ANXA4: variants seen among roughly 807,000 people sequenced by gnomAD.
ANXA4 encodes the protein 35-beta calcimedin.
A neutral mutation model predicts 49.8 loss-of-function variants in ANXA4; 39 were observed. The ratio of observed to expected loss-of-function variants is 0.78; its 90% CI spans 0.61 to 1.02. ANXA4 has a LOEUF of 1.02. Among genes scored for constraint, ANXA4 ranks in the 50% least tolerant of loss-of-function variants. The pLI, the probability that ANXA4 is intolerant of heterozygous loss-of-function variation, is 0.00. For missense variants in ANXA4, 360 were observed against 410.1 expected, an observed-to-expected ratio of 0.88 and a Z score of 1.05; for synonymous variants, 134 against 152.5, an observed-to-expected ratio of 0.88 and a Z score of 0.89.
intron 3 of ANXA4, among the ~76,000 whole-genome samples, chr2:69,729,083 G>A (rs1028650694): frequency 1.8e-4 from 28 of 152,062 alleles, no homozygotes; most frequent in African/African-American, 6.0e-4. Context: ...GCACGATCTC[G>A]GCTCACTGCA....
At chr2:69,687,167 G>T (rs1179984438) in intron 2 of ANXA4, among the ~76,000 whole-genome samples, 2 of 152,134 alleles carry the variant, frequency 1.3e-5, no homozygotes, top group Non-Finnish European at 2.9e-5. Context: ...CTAATTGGTG[G>T]GTAGAAAAGG....
chr2:69,726,158 C>G (rs773231428), intron 3 of ANXA4, among the ~76,000 whole-genome samples: 2 of 152,132 alleles, frequency 1.3e-5, no homozygotes, highest in African/African-American at 4.8e-5. Flanking sequence ...CGGTTTCCCC[C>G]GTGATGTTCT....
At chr2:69,785,315 C>T (rs1672369213) in intron 2 of ANXA4, among the ~76,000 whole-genome samples, 1 of 152,130 alleles carries the variant, frequency 6.6e-6, no homozygotes, top group South Asian at 2.1e-4. Context: ...GAGAACTGTG[C>T]TAAGGGTATA....
chr2:69,718,762 CAT>C (rs557190230), intron 2 of ANXA4, among the ~76,000 whole-genome samples: 105 of 143,292 alleles, frequency 7.3e-4, no homozygotes, highest in African/African-American at 2.4e-3. Flanking sequence ...CATACACACA[CAT>C]ACACACACAT....
intron 3 of ANXA4, among the ~76,000 whole-genome samples, chr2:69,803,076 C>T (rs1403546326): frequency 6.6e-6 from 1 of 151,840 alleles, no homozygotes; most frequent in Non-Finnish European, 1.5e-5. Context: ...TGGCAGGCAC[C>T]TGTAATCCCA....
chr2:69,715,441 C>A (rs1678849250), intron 2 of ANXA4, among the ~76,000 whole-genome samples: 1 of 152,178 alleles, frequency 6.6e-6, no homozygotes, highest in Non-Finnish European at 1.5e-5. Context: ...CTCCTGGTCT[C>A]AAGTGATCCT....
chr2:69,788,819 C>T (rs1289106215), intron 3 of ANXA4, among the ~76,000 whole-genome samples: 5 of 118,992 alleles, frequency 4.2e-5, no homozygotes, highest in Non-Finnish European at 8.0e-5. Context: ...GGCTGGGCGA[C>T]AGAGCGAGAC....
rs201603508 is a variant in ANXA4, at chr2:69,648,879, C to CTTTT, written n.481+3977_481+3978insTTTT. On this transcript the variant is annotated intron_variant and non_coding_transcript_variant, in intron 1 of 3. Coordinates refer to the ANXA4 transcript ENST00000418066. ...ATTTTTTTAATTTTTAATTTTCTTT[C>CTTTT]TTTCTTTTCTTTTTTTTTTTTTTTG... Among the ~76,000 whole-genome samples, 96 of 113,446 alleles carry CTTTT rather than the reference C, an allele frequency of 8.5e-4. 1 individual carries two copies. The highest frequency in any genetic ancestry group is 6.1e-3 in the East Asian group (17 of 2,794). The allele number at this position is 113,446 out of a possible 152,430, so 74.4% of individuals were successfully genotyped here. A position where few individuals can be genotyped will look rare whatever the true frequency, so the allele number is the denominator to read the frequency against.
At chr2:69,707,112 C>A (rs1040885295) in intron 2 of ANXA4, among the ~76,000 whole-genome samples, 3 of 152,074 alleles carry the variant, frequency 2.0e-5, no homozygotes, top group African/African-American at 7.2e-5. Context: ...TTTTATATTT[C>A]TTTTGCTCTC....
chr2:69,819,425 T>C, intron 11 of ANXA4, 87 bp downstream of exon 11: 2 of 976,720 alleles, frequency 2.0e-6, no homozygotes, highest in Non-Finnish European at 3.1e-6. Context: ...CTATCCAAAC[T>C]TTGCTCTGAA....
chr2:69,808,375 T>C, intron 6 of ANXA4: 1 of 206,954 alleles, frequency 4.8e-6, no homozygotes, highest in Non-Finnish European at 9.9e-6. Flanking sequence ...CCCTTCAGAC[T>C]GGACTGTACG....
intron 2 of ANXA4, among the ~76,000 whole-genome samples, chr2:69,670,318 T>C (rs1677123173): frequency 6.6e-6 from 1 of 151,832 alleles, no homozygotes; most frequent in South Asian, 2.1e-4. Context: ...CACACACTTC[T>C]AGTCCCAGCT....
At chr2:69,644,674 G>A (rs1124399) in exon 1 of ANXA4, 21,299 of 152,160 alleles carry the variant, frequency 0.14, 3,208 homozygotes, top group East Asian at 0.39. Context: ...GGGCTTTTCG[G>A]CCCATGCTGT....
chr2:69,820,822 G>A lies in ANXA4; in HGVS notation c.906+1G>A. 6.2e-7 allele frequency: 1 copy of A among 1,613,754 alleles called. No individual in the cohort carries two copies. The highest frequency in any genetic ancestry group is 8.5e-7 in the Non-Finnish European group (1 of 1,179,820). ...AAAGTCTCTGTACTCGTTCATCAAG[G>A]TAGGTCACAGCAGCCTAAGTCCAGA... On this transcript the variant is annotated splice_donor_variant, in intron 12 of 12. Transcript: ENST00000394295. LOFTEE classifies it high-confidence loss of function.
At chr2:69,657,403 T>C (rs541357704) in intron 2 of ANXA4, among the ~76,000 whole-genome samples, 1 of 152,264 alleles carries the variant, frequency 6.6e-6, no homozygotes, top group Non-Finnish European at 1.5e-5. Flanking sequence ...TGGCATCTTA[T>C]AAATACTGAT....
At chr2:69,701,868 G>A (rs6724451) in intron 2 of ANXA4, among the ~76,000 whole-genome samples, 37,847 of 151,602 alleles carry the variant, frequency 0.25, 5,837 homozygotes, top group East Asian at 0.45. Context: ...TTTTCTCTTG[G>A]GCTTTCTTTT....
At chr2:69,787,810 C>A (rs766080319) in intron 2 of ANXA4, among the ~76,000 whole-genome samples, 8 of 152,376 alleles carry the variant, frequency 5.3e-5, no homozygotes, top group Admixed American at 2.0e-4. Flanking sequence ...TGCTTCACAG[C>A]AATGCTCACC....
chr2:69,769,633 G>A (rs1463999773), intron 1 of ANXA4, among the ~76,000 whole-genome samples: 1 of 152,154 alleles, frequency 6.6e-6, no homozygotes, highest in African/African-American at 2.4e-5. Context: ...GAGCAGAGAA[G>A]GCGTGGGATG....
At chr2:69,644,022 C>T (rs979028773), upstream of ANXA4, 1 of 382,942 alleles carries the variant, frequency 2.6e-6, no homozygotes, top group Non-Finnish European at 3.7e-6. Context: ...TGCTGGACTA[C>T]AAATCCCAGC....
Sources: allele counts gnomAD v4.1 joint callset (sites outside exome capture counted in the v4.1 genomes callset), GRCh38; gene constraint gnomAD v4.1.1; transcripts MANE v1.5; gene names NCBI Gene and HGNC (gene_info 2026-07-23, HGNC 2026-07-21).